DST: variants seen among roughly 807,000 people sequenced by gnomAD.
DST encodes the protein dystonin.
DST carries 253 observed loss-of-function variants against 875.2 expected under a neutral mutation model. That is an observed-to-expected ratio of 0.29 (90% CI 0.26 to 0.32). DST has a LOEUF of 0.32. Among genes scored for constraint, DST ranks in the 10% least tolerant of loss-of-function variants. The pLI is 1.00. For synonymous variants in DST, 3,124 were observed against 3,197.1 expected (o/e 0.98, Z 0.77); for missense variants, 8,287 against 9,111.6 (o/e 0.91, Z 3.68).
intron 75 of DST, among the ~76,000 whole-genome samples, chr6:56,507,166 A>C (rs2096343242): frequency 1.3e-5 from 2 of 152,234 alleles, no homozygotes; most frequent in Admixed American, 1.3e-4. Flanking sequence ...ATACAAATTA[A>C]TATATTTGTT....
Position 56,811,099 on chromosome 6 carries a change from A to C in DST, c.625+40298T>G, listed in dbSNP as rs185842256. Among the ~76,000 whole-genome samples, 27 of 147,382 alleles carry C rather than the reference A, an allele frequency of 1.8e-4. No individual in the cohort carries two copies. The East Asian group carries it at 5.6e-3, about 30-fold the overall frequency. On this transcript the variant is annotated intron_variant, in intron 4 of 103. Coordinates refer to ENST00000680361, the MANE Select transcript of DST (RefSeq NM_001374736.1). ...CTTGGGAGGCTGAGGTGGGAGGATCACTTGAGCCTGGAAGGTAGAGGCTGC... is the reference window on the plus strand; with the variant it reads ...CTTGGGAGGCTGAGGTGGGAGGATCCCTTGAGCCTGGAAGGTAGAGGCTGC...
intron 13 of DST, 83 bp downstream of exon 13, chr6:56,648,487 T>C: frequency 7.4e-7 from 1 of 1,357,748 alleles, no homozygotes; most frequent in Non-Finnish European, 9.7e-7. Context: ...TTTGTTGAAC[T>C]TCTAAAATTA....
intron 3 of DST, among the ~76,000 whole-genome samples, chr6:56,893,129 C>T (rs1418314155): frequency 6.6e-6 from 1 of 152,206 alleles, no homozygotes; most frequent in African/African-American, 2.4e-5. Flanking sequence ...TTGTACCATA[C>T]TGTTGGCTTT....
intron 4 of DST, 136 bp downstream of exon 4, chr6:56,851,260 TG>T: frequency 2.5e-6 from 2 of 787,652 alleles, no homozygotes; most frequent in Non-Finnish European, 2.0e-6. Flanking sequence ...AAAGTAAACA[TG>T]GTCATCATCC....
chr6:56,823,088 C>A (rs563156538), intron 4 of DST, among the ~76,000 whole-genome samples: 1 of 152,232 alleles, frequency 6.6e-6, no homozygotes, highest in Non-Finnish European at 1.5e-5. Flanking sequence ...CTGCCTCGAC[C>A]TCCCAAAGTG....
chr6:56,899,539 T>C (rs376006505), intron 3 of DST, among the ~76,000 whole-genome samples: 78 of 152,318 alleles, frequency 5.1e-4, no homozygotes, highest in African/African-American at 1.8e-3. Flanking sequence ...CAAAGACATT[T>C]TCAAGCCAAA....
Position 56,843,594 on chromosome 6 carries a change from G to C in DST, c.625+7803C>G, listed in dbSNP as rs924901411. Reference sequence around the variant, plus strand: ...GGGCCGGGCCGAGGCCGCGGCAGCGGTGCGGGAGGACCGGCGCGCTGCCTT... The same window carrying C: ...GGGCCGGGCCGAGGCCGCGGCAGCGCTGCGGGAGGACCGGCGCGCTGCCTT... On this transcript the variant is annotated intron_variant, in intron 4 of 103. Transcript: ENST00000680361. 3 of 983,962 alleles carry C rather than the reference G, an allele frequency of 3.0e-6. No homozygotes were observed. The African/African-American group carries it at 5.3e-5, about 17-fold the overall frequency. The allele number at this position is 983,962 out of a possible 1,614,324, so 61.0% of individuals were successfully genotyped here. A position where few individuals can be genotyped will look rare whatever the true frequency, so the allele number is the denominator to read the frequency against.
At chr6:56,833,280 G>T (rs1466831119) in intron 4 of DST, among the ~76,000 whole-genome samples, 1 of 152,170 alleles carries the variant, frequency 6.6e-6, no homozygotes, top group Non-Finnish European at 1.5e-5. Flanking sequence ...TTACGTGAAA[G>T]CACTGTCTTA....
At chr6:56,725,363 GATTT>G (rs2099448021) in intron 5 of DST, among the ~76,000 whole-genome samples, 1 of 152,196 alleles carries the variant, frequency 6.6e-6, no homozygotes, top group Admixed American at 6.5e-5. Context: ...TTCCACTGGA[GATTT>G]ATTTCCCAGC....
At position 56,546,277 on chromosome 6, in the gene DST, GA is replaced by G. The variant is rs1181011757; in HGVS notation, c.16608+5906del. Among the ~76,000 whole-genome samples, 3 of 141,968 alleles carry G rather than the reference GA, an allele frequency of 2.1e-5. No individual in the cohort carries two copies. The Admixed American group carries it at 2.2e-4, about 10-fold the overall frequency. The allele number at this position is 141,968 out of a possible 152,430, so 93.1% of individuals were successfully genotyped here. A position where few individuals can be genotyped will look rare whatever the true frequency, so the allele number is the denominator to read the frequency against. Reference sequence around the variant, plus strand: ...TTCAATGAGGTTTTCTGGTGACAGTGAAAAAAAATTCTATGTAACAGAAGAT... The same window carrying G: ...TTCAATGAGGTTTTCTGGTGACAGTGAAAAAAATTCTATGTAACAGAAGAT... On this transcript the variant is annotated intron_variant, in intron 61 of 103. Coordinates refer to ENST00000680361, the MANE Select transcript of DST (RefSeq NM_001374736.1).
At position 56,699,693 on chromosome 6, in the gene DST, A is replaced by G; in HGVS notation, c.1007T>C (p.Leu336Ser). Reference sequence around the variant, plus strand: ...TATTGTCCAGATTAATCCCAAAGTCAATTTGGGATTTCCATCTGTTATGTC... The same window carrying G: ...TATTGTCCAGATTAATCCCAAAGTCGATTTGGGATTTCCATCTGTTATGTC... Reference protein sequence around the residue: ...NDDITDGNPKLTLGLIWTIIL... With the variant: ...NDDITDGNPKSTLGLIWTIIL... The change falls in exon 9 of 104, where the codon TTG (leucine) becomes TCG (serine). Residue 336 changes from leucine (L) to serine (S), a missense_variant. Physicochemically the swap from Leu to Ser is moderately radical, Grantham distance 145 (BLOSUM62 -2). This residue lies in a region of DST where 1,160 missense variants were observed against 1,424.3 expected (regional missense o/e 0.81). Transcript: ENST00000680361. 6.5e-7 allele frequency: 1 copy of G among 1,533,008 alleles called. No individual in the cohort carries two copies. Among genetic ancestry groups the G allele is most frequent in the South Asian group, 1.3e-5 (1 of 78,926 alleles). The allele number at this position is 1,533,008 out of a possible 1,614,324, so 95.0% of individuals were successfully genotyped here. A position where few individuals can be genotyped will look rare whatever the true frequency, so the allele number is the denominator to read the frequency against.
chr6:56,603,587 T>G lies in DST; in HGVS notation c.10918A>C (p.Lys3640Gln). Residue 3640 changes from lysine to glutamine, a missense_variant, in exon 41 of 104, where the codon AAG becomes CAG. Lys to Gln is a moderately conservative substitution (Grantham distance 53). Around this residue, in one of 10 missense-constraint regions of DST, gnomAD observed 3,138 missense variants for 3,116.6 expected, o/e 1.01. Transcript: ENST00000680361. ...ESLDNNLEAL[K>Q]NQLRQLETFE... ...ACCTCCAACTGTCTAAGTTGATTCT[T>G]CAAAGCTTCCAAGTTGTTATCCAGA... 6.2e-7 allele frequency: 1 copy of G among 1,609,448 alleles called. No individual in the cohort carries two copies.
intron 3 of DST, among the ~76,000 whole-genome samples, chr6:56,899,567 T>C (rs940463161): frequency 4.6e-5 from 7 of 152,206 alleles, no homozygotes; most frequent in Admixed American, 1.3e-4. Context: ...GGCTCCCCTA[T>C]GTTGGCACAA....
Position 56,798,491 on chromosome 6 carries a change from G to GA in DST, c.625+52905dup, listed in dbSNP as rs202246798. Among the ~76,000 whole-genome samples the GA allele has an allele frequency of 6.6e-5, 10 of 150,812 alleles. No homozygotes were observed. In the East Asian group the frequency reaches 1.2e-3, roughly 18 times the overall value. ...TTAAGCTCACTATTGAGATTGCTCA[G>GA]AAAAAAAAAGATTTATTTCAAAATA... On this transcript the variant is annotated intron_variant, in intron 4 of 103. Coordinates refer to ENST00000680361, the MANE Select transcript of DST (RefSeq NM_001374736.1).
chr6:56,905,864 G>C (rs532894288), intron 2 of DST, among the ~76,000 whole-genome samples: 8 of 152,118 alleles, frequency 5.3e-5, no homozygotes, highest in African/African-American at 1.9e-4. Flanking sequence ...GCCCAGGCTG[G>C]TCTTGAACTC....
At chr6:56,843,158 C>T in intron 4 of DST, 1 of 1,554,810 alleles carries the variant, frequency 6.4e-7, no homozygotes, top group African/African-American at 1.3e-5. Flanking sequence ...CGAAGTTTAT[C>T]TAAGCGATGA....
Position 56,603,360 on chromosome 6 carries a change from C to T in DST, c.11002G>A (p.Glu3668Lys), listed in dbSNP as rs2098463038. The change falls in exon 42 of 104, where the codon GAA becomes AAA. Residue 3668 changes from glutamate to lysine, a missense_variant. By Grantham distance (56) the Glu-to-Lys change is moderately conservative. Around this residue, in one of 10 missense-constraint regions of DST, gnomAD observed 3,138 missense variants for 3,116.6 expected, o/e 1.01. Transcript: ENST00000680361. ...VILRKDMKLA[E>K]EFLKSLPSDF... ...CTGGGAAGAGACTTTAAAAACTCTTCTGCCAACTTCATATCTTTTCTTAAA... is the reference window on the plus strand; with the variant it reads ...CTGGGAAGAGACTTTAAAAACTCTTTTGCCAACTTCATATCTTTTCTTAAA... The T allele has an allele frequency of 3.1e-6, 5 of 1,611,088 alleles. No homozygotes were observed. The highest frequency in any genetic ancestry group is 4.2e-6 in the Non-Finnish European group (5 of 1,179,082).
intron 2 of DST, among the ~76,000 whole-genome samples, chr6:56,937,918 A>G (rs886077252): frequency 6.6e-6 from 1 of 152,166 alleles, no homozygotes; most frequent in Non-Finnish European, 1.5e-5. Flanking sequence ...TACATATTAT[A>G]TGATTCTACT....
chr6:56,507,945 G>A (rs1471347359), intron 75 of DST, among the ~76,000 whole-genome samples: 2 of 152,112 alleles, frequency 1.3e-5, no homozygotes, highest in African/African-American at 2.4e-5. Flanking sequence ...GATTACTTTG[G>A]AAGCCAAAAA....
Sources: gnomAD v4.1 joint callset for allele counts (sites outside exome capture counted in the v4.1 genomes callset) on GRCh38, gnomAD v4.1.1 for gene constraint, gnomAD v4.1.1 regional missense constraint, MANE v1.5 for transcripts, NCBI Gene and HGNC (gene_info 2026-07-23, HGNC 2026-07-21) for gene names.